Variants in PARD3 observed in about 807,000 individuals in gnomAD.
PARD3 encodes par-3 family cell polarity regulator, also known as partitioning defective 3 homolog.
PARD3 carries 75 observed loss-of-function variants against 155.4 expected under a neutral mutation model. The observed-to-expected ratio is 0.48, with a 90% CI of 0.40 to 0.58. The LOEUF (loss-of-function observed/expected upper bound fraction) is 0.58, where lower values mean the gene tolerates loss of function less well. Among genes scored for constraint, PARD3 ranks in the 20% least tolerant of loss-of-function variants. The probability of loss-of-function intolerance (pLI) is 0.00; values close to 1 mark genes in which losing one functional copy is unlikely to be tolerated. For missense variants in PARD3, 1,642 were observed against 1,721.7 expected (o/e 0.95, Z 0.82); for synonymous variants, 576 against 610.5 (o/e 0.94, Z 0.83).
At chr10:34,335,262 C>T (rs572000720) in intron 18 of PARD3, among the ~76,000 whole-genome samples, 1 of 151,992 alleles carries the variant, frequency 6.6e-6, no homozygotes, top group East Asian at 1.9e-4. Flanking sequence ...AAGAATATAA[C>T]TCCAACCATG....
At position 34,109,628 on chromosome 10, in the gene PARD3, G is replaced by A. The variant is rs1210150857; in HGVS notation, c.*1541C>T. 1 of 151,998 alleles carries A rather than the reference G, an allele frequency of 6.6e-6. No individual in the cohort carries two copies. Among genetic ancestry groups the A allele is most frequent in the Non-Finnish European group, 1.5e-5 (1 of 68,006 alleles). The allele number at this position is 151,998 out of a possible 1,614,324, so 9.4% of individuals were successfully genotyped here. A position where few individuals can be genotyped will look rare whatever the true frequency, so the allele number is the denominator to read the frequency against. ...AGAGAAAGCTGTTTCTCACAGCTCA[G>A]GGGAGGCTGTGAGAAAGAGCCACTG... On this transcript the variant is annotated 3_prime_UTR_variant, in exon 25 of 25. Coordinates refer to ENST00000374788, the MANE Select transcript of PARD3 (RefSeq NM_001184785.2).
intron 20 of PARD3, among the ~76,000 whole-genome samples, chr10:34,286,559 A>G (rs1161989636): frequency 6.6e-6 from 1 of 152,248 alleles, no homozygotes; most frequent in Non-Finnish European, 1.5e-5. Flanking sequence ...GCCCTGAGAC[A>G]CAGGCAGGCT....
chr10:34,741,237 T>C (rs950752796), intron 1 of PARD3, among the ~76,000 whole-genome samples: 35 of 134,318 alleles, frequency 2.6e-4, no homozygotes, highest in Non-Finnish European at 1.1e-4. Context: ...CAGGCTGGAG[T>C]GTGGTGGTGC....
At chr10:34,344,519 T>C (rs1837197404) in intron 15 of PARD3, 2 of 856,824 alleles carry the variant, frequency 2.3e-6, no homozygotes, top group Non-Finnish European at 2.8e-6. Flanking sequence ...TGACCTCAGT[T>C]GATCCACCTG....
intron 1 of PARD3, among the ~76,000 whole-genome samples, chr10:34,760,170 T>G (rs564515255): frequency 1.6e-5 from 2 of 128,828 alleles, no homozygotes; most frequent in South Asian, 5.2e-4. Context: ...CTACCTTTTT[T>G]TGGCAGGCGG....
At chr10:34,539,637 G>A (rs2083463342) in intron 2 of PARD3, among the ~76,000 whole-genome samples, 1 of 152,176 alleles carries the variant, frequency 6.6e-6, no homozygotes, top group African/African-American at 2.4e-5. Context: ...CTCCAGTTTC[G>A]GTGACACAGC....
intron 3 of PARD3, among the ~76,000 whole-genome samples, chr10:34,507,966 G>C (rs2081185173): frequency 6.6e-6 from 1 of 152,152 alleles, no homozygotes; most frequent in Middle Eastern, 3.2e-3. Context: ...ATCAGATCCA[G>C]AAAATAGTAC....
chr10:34,545,756 C>A (rs1425504719), intron 2 of PARD3, among the ~76,000 whole-genome samples: 2 of 152,160 alleles, frequency 1.3e-5, no homozygotes, highest in South Asian at 2.1e-4. Context: ...CGGGGTTTCA[C>A]CATGTTGGCC....
intron 12 of PARD3, among the ~76,000 whole-genome samples, chr10:34,360,542 T>C (rs1014141144): frequency 1.3e-5 from 2 of 152,200 alleles, no homozygotes; most frequent in African/African-American, 4.8e-5. Context: ...TAAAGACTAG[T>C]AGATTTCTAG....
At chr10:34,647,720 A>G (rs939019603) in intron 2 of PARD3, among the ~76,000 whole-genome samples, 4 of 152,236 alleles carry the variant, frequency 2.6e-5, no homozygotes, top group Admixed American at 6.5e-5. Context: ...GCAAGCAAAC[A>G]TAAAGCTTCC....
chr10:34,352,498 G>GCCACGC (rs1255461292), intron 14 of PARD3, among the ~76,000 whole-genome samples: 3 of 152,178 alleles, frequency 2.0e-5, no homozygotes, highest in African/African-American at 7.2e-5. Context: ...GGCACGCGCC[G>GCCACGC]CCACGCCTGA....
At chr10:34,707,876 T>C (rs746900659) in intron 1 of PARD3, among the ~76,000 whole-genome samples, 3 of 152,130 alleles carry the variant, frequency 2.0e-5, no homozygotes, top group Non-Finnish European at 4.4e-5. Flanking sequence ...TCACTGCACC[T>C]CACCCTGGGA....
chr10:34,233,017 A>ATTTTTTTTTTTTTTTTTTTT (rs3039283), intron 22 of PARD3, among the ~76,000 whole-genome samples: 1 of 96,194 alleles, frequency 1.0e-5, no homozygotes, highest in Non-Finnish European at 1.9e-5. Context: ...TCAAATGTTA[A>ATTTTTTTTTTTTTTTTTTTT]TTTTTTTTTT....
At chr10:34,703,460 G>GAA (rs71033338) in intron 1 of PARD3, among the ~76,000 whole-genome samples, 11 of 147,152 alleles carry the variant, frequency 7.5e-5, no homozygotes, top group African/African-American at 2.5e-4. Flanking sequence ...TAGGAAGTTG[G>GAA]AAAAAAAAAA....
intron 18 of PARD3, among the ~76,000 whole-genome samples, chr10:34,334,540 G>C (rs1191323216): frequency 4.7e-5 from 7 of 150,456 alleles, no homozygotes; most frequent in South Asian, 2.1e-4. Flanking sequence ...CAAGTCAAGT[G>C]AAGTGACGAA....
At chr10:34,379,973 C>G (rs992043241) in intron 9 of PARD3, among the ~76,000 whole-genome samples, 5 of 152,026 alleles carry the variant, frequency 3.3e-5, no homozygotes, top group African/African-American at 1.2e-4. Flanking sequence ...TTTTGAAGAA[C>G]TGCTGCCACT....
chr10:34,606,638 CAAAAAAAAAAAA>C (rs398013195), intron 2 of PARD3, among the ~76,000 whole-genome samples: 5 of 79,656 alleles, frequency 6.3e-5, no homozygotes, highest in South Asian at 4.9e-4. Context: ...CCCGTGTCTT[CAAAAAAAAAAAA>C]AAAAAAAAAA....
chr10:34,739,542 T>C (rs987863732), intron 1 of PARD3, among the ~76,000 whole-genome samples: 2 of 152,140 alleles, frequency 1.3e-5, no homozygotes, highest in African/African-American at 2.4e-5. Flanking sequence ...AGGAACTTTG[T>C]TGCAGAGTTG....
chr10:34,484,871 T>G (rs1208270529), intron 3 of PARD3, among the ~76,000 whole-genome samples: 1 of 152,240 alleles, frequency 6.6e-6, no homozygotes, highest in Non-Finnish European at 1.5e-5. Context: ...TGACCACTCC[T>G]CCACAAGCTC....
Sources: gnomAD v4.1 joint callset for allele counts (sites outside exome capture counted in the v4.1 genomes callset) on GRCh38, gnomAD v4.1.1 for gene constraint, MANE v1.5 for transcripts, NCBI Gene and HGNC (gene_info 2026-07-23, HGNC 2026-07-21) for gene names.